CSF1R: variants seen among roughly 807,000 people sequenced by gnomAD.
The protein encoded by CSF1R is colony stimulating factor 1 receptor.
In CSF1R, 40 loss-of-function variants were observed where a neutral mutation model predicts 110.0. That is an observed-to-expected ratio of 0.36 (90% confidence interval 0.28 to 0.47). The LOEUF (loss-of-function observed/expected upper bound fraction) is 0.47. Among genes scored for constraint, CSF1R ranks in the 20% least tolerant of loss-of-function variants. The pLI is 0.99. For missense variants in CSF1R, 1,052 were observed against 1,253.0 expected, an observed-to-expected ratio of 0.84 and a Z score of 2.42; for synonymous variants, 523 against 503.4, an observed-to-expected ratio of 1.04 and a Z score of -0.52.
intron 1 of CSF1R, among the ~76,000 whole-genome samples, chr5:150,101,676 T>A (rs1188968434): frequency 7.7e-5 from 11 of 143,364 alleles, no homozygotes; most frequent in African/African-American, 2.6e-4. Context: ...TTTTTTTTTT[T>A]AATACTAGTG....
chr5:150,078,175 G>C lies in CSF1R; in HGVS notation c.666C>G (p.Ile222Met), dbSNP rs759716223. 1 of 1,614,118 alleles carries C rather than the reference G, an allele frequency of 6.2e-7. No individual in the cohort carries two copies. The highest frequency in any genetic ancestry group is 1.3e-5 in the African/African-American group (1 of 75,030). Reference sequence around the variant, plus strand: ...CATCAACGCTGCTGGCTGAGCACACGATCTGGGCAGCCTCCCCTCGAATCC... The same window carrying C: ...CATCAACGCTGCTGGCTGAGCACACCATCTGGGCAGCCTCCCCTCGAATCC... ...LVRIRGEAAQ[I>M]VCSASSVDVN... is the part of the protein sequence containing the mutation. The change falls in exon 4 of 21, where the codon ATC becomes ATG. Residue 222 changes from isoleucine (I) to methionine (M), a missense_variant. By Grantham distance (10) the Ile-to-Met change is conservative (BLOSUM62 1). Coordinates refer to ENST00000675795, the MANE Select transcript of CSF1R (RefSeq NM_001288705.3).
Position 150,054,017 on chromosome 5 carries a change from G to C in CSF1R, c.*52C>G. 1 of 1,567,322 alleles carries C rather than the reference G, an allele frequency of 6.4e-7. No individual in the cohort carries two copies. Among genetic ancestry groups the C allele is most frequent in the Non-Finnish European group, 8.8e-7 (1 of 1,142,612 alleles). ...TTCTCCCCGTGTCGCCCCATCCATG[G>C]AGGAGTTGAAGTTTGTGGGAGGGGA... is the stretch of plus-strand genomic sequence containing the variant. On this transcript the variant is annotated 3_prime_UTR_variant, in exon 21 of 21. Coordinates refer to ENST00000675795, the MANE Select transcript of CSF1R (RefSeq NM_001288705.3).
chr5:150,060,851 A>G lies in CSF1R; in HGVS notation c.1969+11T>C. ...CCAAGACCTTGGCCCCAGGAACCCC[A>G]AGGCCCTTACCTCCATGGGTACAGG... On this transcript the variant is annotated intron_variant, in intron 13 of 20. Coordinates refer to ENST00000675795, the MANE Select transcript of CSF1R (RefSeq NM_001288705.3). 6.3e-7 allele frequency: 1 copy of G among 1,589,106 alleles called. No homozygotes were observed. The highest frequency in any genetic ancestry group is 1.1e-5 in the South Asian group (1 of 87,926).
upstream of CSF1R, among the ~76,000 whole-genome samples, chr5:150,090,467 A>G (rs967992747): frequency 8.5e-5 from 13 of 152,122 alleles, no homozygotes; most frequent in African/African-American, 3.1e-4. Context: ...CCTTACACCA[A>G]ACAACCACGG....
intron 1 of CSF1R, among the ~76,000 whole-genome samples, chr5:150,108,938 C>A (rs1759628965): frequency 6.6e-6 from 1 of 152,118 alleles, no homozygotes; most frequent in South Asian, 2.1e-4. Flanking sequence ...CCCCAGGTCC[C>A]TGCCCCAGGC....
intron 3 of CSF1R, 146 bp from the exon 4 acceptor site, chr5:150,078,394 C>T (rs1581319419): frequency 2.0e-6 from 2 of 1,002,948 alleles, no homozygotes; most frequent in East Asian, 5.2e-5. Flanking sequence ...CCTTGATGCT[C>T]CCAGTCCCCC....
rs187624541 is a variant in CSF1R at position 150,081,531 on chromosome 5, T to C, written c.50-507A>G. On this transcript the variant is annotated intron_variant, in intron 1 of 20. Transcript: ENST00000675795. ...TAGAGAGGTCCCAAGAATCTCCTGG[T>C]GTGCCCGCTCCCACCAATGGACATC... 2.0e-4 allele frequency among the ~76,000 whole-genome samples: 30 copies of C among 152,296 alleles called. No individual in the cohort carries two copies. The East Asian group carries it at 4.4e-3, about 23-fold the overall frequency.
chr5:150,057,421 A>T (rs1757274198), intron 15 of CSF1R, 37 bp from the exon 16 acceptor site: 2 of 1,610,344 alleles, frequency 1.2e-6, no homozygotes, highest in Non-Finnish European at 8.5e-7. Flanking sequence ...GCCCTGCCAC[A>T]CTCCCCACCC....
rs200733774 is a variant in CSF1R, at chr5:150,069,982, C to A, written c.1401G>T (p.Thr467=). The A allele has an allele frequency of 1.9e-6, 3 of 1,614,024 alleles. No homozygotes were observed. The highest frequency in any genetic ancestry group is 1.1e-5 in the South Asian group (1 of 91,084). ...VLSQEPFHKV[T]VQSLLTVETL... ...TCTCAACAGTCAGCAGGCTCTGCAC[C>A]GTCACCTTGTGGAAGGGCTCCTGGC... Residue 467 remains threonine, a synonymous_variant, in exon 9 of 21, where the codon ACG becomes ACT. Coordinates refer to ENST00000675795, the MANE Select transcript of CSF1R (RefSeq NM_001288705.3).
intron 12 of CSF1R, 140 bp from the exon 13 acceptor site, chr5:150,061,112 G>C (rs1757495248): frequency 5.0e-6 from 3 of 600,274 alleles, no homozygotes; most frequent in Non-Finnish European, 5.9e-6. Flanking sequence ...GAAGCCAAAA[G>C]AAGGAGAAGG....
rs1413794099 is a variant in CSF1R at position 150,053,806 on chromosome 5, C to CGAG, written c.*260_*262dup. 1.1e-5 allele frequency: 6 copies of CGAG among 551,320 alleles called. No homozygotes were observed. In the East Asian group the frequency reaches 1.5e-4, roughly 14 times the overall value. 34.2% of individuals were successfully genotyped at this position (551,320 alleles called of 1,614,324 possible). A position where few individuals can be genotyped will look rare whatever the true frequency, so the allele number is the denominator to read the frequency against. On this transcript the variant is annotated 3_prime_UTR_variant, in exon 21 of 21. Coordinates refer to ENST00000675795, the MANE Select transcript of CSF1R (RefSeq NM_001288705.3). ...GTTCTACTAGTTGGCATAGCAAACA[C>CGAG]GAGGCCAACACCATGAGAACAGTAG...
chr5:150,069,826 C>T (rs924925120), intron 9 of CSF1R, 47 bp downstream of exon 9: 10 of 1,357,736 alleles, frequency 7.4e-6, no homozygotes, highest in East Asian at 2.7e-5. Flanking sequence ...GGAGCAGGGG[C>T]GGGGGGCGGG....
At chr5:150,099,667 T>G in intron 1 of CSF1R, among the ~76,000 whole-genome samples, 1 of 149,930 alleles carries the variant, frequency 6.7e-6, no homozygotes, top group East Asian at 2.0e-4. Flanking sequence ...CATATGACAC[T>G]CTTGTAAACA....
At chr5:150,105,363 A>ATATATAT (rs1438004087) in intron 1 of CSF1R, among the ~76,000 whole-genome samples, 4 of 88,182 alleles carry the variant, frequency 4.5e-5, no homozygotes, top group Non-Finnish European at 6.3e-5. Flanking sequence ...AAAAAAAAAA[A>ATATATAT]ATATATATAT....
rs2113779176 is a variant in CSF1R at position 150,056,203 on chromosome 5, C to G, written c.2442+16G>C. The G allele has an allele frequency of 1.2e-6, 2 of 1,614,232 alleles. No homozygotes were observed. The highest frequency in any genetic ancestry group is 1.7e-6 in the Non-Finnish European group (2 of 1,180,022). ...CACCCCCTCCCCAGCCTGGCCCAAG[C>G]CCTCCCAGCACTTACATTGCCCTTG... On this transcript the variant is annotated intron_variant, in intron 17 of 20. Transcript: ENST00000675795.
In CSF1R at chr5:150,053,754, A is replaced by G. The variant is rs566553190; in HGVS notation, c.*315T>C. 23 of 455,302 alleles carry G rather than the reference A, an allele frequency of 5.1e-5. No homozygotes were observed. Among genetic ancestry groups the G allele is most frequent in the East Asian group, 2.8e-4 (7 of 24,894 alleles). The allele number at this position is 455,302 out of a possible 1,614,324, so 28.2% of individuals were successfully genotyped here. A position where few individuals can be genotyped will look rare whatever the true frequency, so the allele number is the denominator to read the frequency against. On this transcript the variant is annotated 3_prime_UTR_variant, in exon 21 of 21. Transcript: ENST00000675795. Reference sequence around the variant, plus strand: ...ATAGGCATAAAGTCAGTCCATTTCCATGAAGATAAGGGGATTAGGAAAGAA... The same window carrying G: ...ATAGGCATAAAGTCAGTCCATTTCCGTGAAGATAAGGGGATTAGGAAAGAA...
chr5:150,095,870 T>C (rs2113857758), intron 1 of CSF1R, among the ~76,000 whole-genome samples: 1 of 151,836 alleles, frequency 6.6e-6, no homozygotes. Flanking sequence ...GGGAATACTA[T>C]GAACTACTCT....
At chr5:150,089,529 C>G (rs1758968666), upstream of CSF1R, among the ~76,000 whole-genome samples, 1 of 152,156 alleles carries the variant, frequency 6.6e-6, no homozygotes, top group South Asian at 2.1e-4. Context: ...CTACAAAACA[C>G]TGTTGAAAGA....
chr5:150,112,999 G>A (rs186550266), intron 1 of CSF1R, among the ~76,000 whole-genome samples: 1 of 152,310 alleles, frequency 6.6e-6, no homozygotes, highest in African/African-American at 2.4e-5. Context: ...TCCACCTCAA[G>A]TGAGCCAAGT....
Sources: allele counts gnomAD v4.1 joint callset (sites outside exome capture counted in the v4.1 genomes callset), GRCh38; gene constraint gnomAD v4.1.1; transcripts MANE v1.5; gene names NCBI Gene and HGNC (gene_info 2026-07-23, HGNC 2026-07-21).